Variants in CP observed in about 807,000 individuals in gnomAD.
The protein encoded by CP is ceruloplasmin.
A neutral mutation model predicts 122.4 loss-of-function variants in CP; 64 were observed. That is an observed-to-expected ratio of 0.52 (90% confidence interval 0.43 to 0.64). CP has a LOEUF of 0.64. Ranked by LOEUF, CP falls within the 30% of genes least tolerant of loss-of-function variation. The pLI, the probability that CP is intolerant of heterozygous loss-of-function variation, is 0.00. For synonymous variants in CP, 440 were observed against 436.4 expected, an observed-to-expected ratio of 1.01 and a Z score of -0.10; for missense variants, 1,167 against 1,284.4, an observed-to-expected ratio of 0.91 and a Z score of 1.40.
chr3:149,199,548 A>T (rs1169262260), intron 8 of CP, among the ~76,000 whole-genome samples, 164 bp downstream of exon 8: 1 of 152,194 alleles, frequency 6.6e-6, no homozygotes, highest in African/African-American at 2.4e-5. Flanking sequence ...AACCAATTGG[A>T]GGTAGGAGAA....
chr3:149,172,143 A>G (rs781373708), downstream of CP: 202 of 1,612,678 alleles, frequency 1.3e-4, no homozygotes, highest in Non-Finnish European at 1.6e-4. Context: ...GATTTCATGA[A>G]TGTTCTCCCA....
At chr3:149,201,891 G>A (rs563293775) in intron 7 of CP, among the ~76,000 whole-genome samples, 96 of 152,244 alleles carry the variant, frequency 6.3e-4, no homozygotes, top group East Asian at 4.2e-3. Context: ...TACCACTCCC[G>A]GCCGTCAGCA....
rs1449564232 is a variant in CP at position 149,185,419 on chromosome 3, G to T, written c.2105C>A (p.Thr702Asn). 6.2e-7 allele frequency: 1 copy of T among 1,614,130 alleles called. No homozygotes were observed. The highest frequency in any genetic ancestry group is 1.7e-5 in the Admixed American group (1 of 60,016). ...EGTFNVECLT[T>N]DHYTGGMKQK... ...CTTCATGCCGCCTGTGTAATGATCA[G>T]TTGTAAGGCATTCAACATTAAAAGT... Residue 702 changes from threonine to asparagine, a missense_variant, in exon 12 of 19, where the codon ACT becomes AAT. Physicochemically the swap from Thr to Asn is moderately conservative, Grantham distance 65. Around this residue, in one of 2 missense-constraint regions of CP, gnomAD observed 525 missense variants for 657.2 expected, o/e 0.80. Coordinates refer to ENST00000264613, the MANE Select transcript of CP (RefSeq NM_000096.4).
intron 9 of CP, among the ~76,000 whole-genome samples, chr3:149,196,653 T>A (rs1332288824): frequency 1.3e-5 from 2 of 152,162 alleles, no homozygotes; most frequent in East Asian, 3.8e-4. Context: ...AAAAGGATAC[T>A]TTGAACATCA....
chr3:149,181,974 G>GGGGGGGGGGGGGGC, intron 14 of CP, 31 bp downstream of exon 14: 12 of 1,356,684 alleles, frequency 8.8e-6, no homozygotes, highest in Non-Finnish European at 1.2e-5. Flanking sequence ...CTGTTAAAAT[G>GGGGGGGGGGGGGGC]CACCACCCCC....
chr3:149,211,141 CA>C (rs1181656723), intron 2 of CP, among the ~76,000 whole-genome samples: 2 of 151,884 alleles, frequency 1.3e-5, no homozygotes, highest in Admixed American at 6.6e-5. Context: ...ACAACAAAAA[CA>C]AAAAAAGTCA....
chr3:149,209,206 C>T lies in CP; in HGVS notation c.781+5G>A, dbSNP rs2108294404. On this transcript the variant is annotated splice_donor_5th_base_variant and intron_variant, in intron 4 of 18. Coordinates refer to ENST00000264613, the MANE Select transcript of CP (RefSeq NM_000096.4). ...GTAAAGTTAACATGTCTGCTGTAAT[C>T]TTACAATACATTCTGTTACTCTCCT... 1 of 1,613,484 alleles carries T rather than the reference C, an allele frequency of 6.2e-7. No individual in the cohort carries two copies. Among genetic ancestry groups the T allele is most frequent in the East Asian group, 2.2e-5 (1 of 44,798 alleles).
chr3:149,191,067 G>T (rs1408972266), intron 9 of CP, among the ~76,000 whole-genome samples: 5 of 152,114 alleles, frequency 3.3e-5, no homozygotes, highest in African/African-American at 1.2e-4. Context: ...ACTATATAAT[G>T]ATTTCAAGAA....
At chr3:149,201,694 G>A (rs1196461518) in intron 7 of CP, among the ~76,000 whole-genome samples, 1 of 152,022 alleles carries the variant, frequency 6.6e-6, no homozygotes, top group Non-Finnish European at 1.5e-5. Flanking sequence ...GGGTTCAAGC[G>A]ATTCTCATGC....
intron 9 of CP, among the ~76,000 whole-genome samples, chr3:149,188,501 A>C (rs75124729): frequency 2.0e-5 from 3 of 148,878 alleles, no homozygotes; most frequent in African/African-American, 7.5e-5. Context: ...AAAAAAAAAA[A>C]AAAAAAAAAA....
chr3:149,210,449 A>AAC (rs1405204790), intron 2 of CP, 70 bp from the exon 3 acceptor site: 2 of 1,285,580 alleles, frequency 1.6e-6, no homozygotes, highest in Admixed American at 3.4e-5. Flanking sequence ...TAGATAGTCC[A>AAC]TTAATTCATT....
intron 11 of CP, 61 bp from the exon 12 acceptor site, chr3:149,185,507 C>T: frequency 1.3e-6 from 2 of 1,500,870 alleles, no homozygotes; most frequent in South Asian, 1.1e-5. Flanking sequence ...GGCTCTCCAC[C>T]TTCCTCAGAA....
At chr3:149,176,779 T>C (rs2108211860) in intron 17 of CP, 1 of 178,902 alleles carries the variant, frequency 5.6e-6, no homozygotes, top group East Asian at 1.6e-4. Context: ...GAATCTGTCC[T>C]AGCTTGTCTG....
intron 1 of CP, among the ~76,000 whole-genome samples, chr3:149,220,706 G>A (rs375898079): frequency 7.9e-5 from 12 of 151,786 alleles, no homozygotes; most frequent in East Asian, 1.9e-4. Context: ...TACAAACTTC[G>A]GCATCCTTAT....
chr3:149,201,429 G>A (rs1313685690), intron 7 of CP, among the ~76,000 whole-genome samples: 1 of 151,894 alleles, frequency 6.6e-6, no homozygotes, highest in African/African-American at 2.4e-5. Context: ...CCCTAGCCTG[G>A]GTTTTATTTC....
chr3:149,195,640 G>A (rs115403259), intron 9 of CP, among the ~76,000 whole-genome samples: 1,724 of 152,226 alleles, frequency 0.011, 27 homozygotes, highest in African/African-American at 0.04. Flanking sequence ...AGAGGCAGGC[G>A]GATCACGAGG....
chr3:149,186,317 A>G (rs1294387070), intron 11 of CP: 6 of 610,560 alleles, frequency 9.8e-6, no homozygotes, highest in South Asian at 1.9e-5. Context: ...TTTACTCCAC[A>G]TTGTCCTCAG....
chr3:149,183,392 A>G (rs778031625), intron 13 of CP, 74 bp downstream of exon 13: 158 of 1,494,578 alleles, frequency 1.1e-4, no homozygotes, highest in Admixed American at 1.0e-3. Flanking sequence ...AAACCCATAG[A>G]CATGAATTGA....
At chr3:149,209,637 T>C (rs1034343719) in intron 3 of CP, among the ~76,000 whole-genome samples, 1 of 152,150 alleles carries the variant, frequency 6.6e-6, no homozygotes, top group Admixed American at 6.5e-5. Flanking sequence ...TTTTGGCAAA[T>C]GGGAAGATTG....
Sources: gnomAD v4.1 joint callset for allele counts (sites outside exome capture counted in the v4.1 genomes callset) on GRCh38, gnomAD v4.1.1 for gene constraint, gnomAD v4.1.1 regional missense constraint, MANE v1.5 for transcripts, NCBI Gene and HGNC (gene_info 2026-07-23, HGNC 2026-07-21) for gene names.